Variants in MRPL52 observed in about 807,000 individuals in gnomAD.
The protein encoded by MRPL52 is mitochondrial ribosomal protein L52.
Under a neutral mutation model 22.1 loss-of-function variants are expected in MRPL52, and 19 were observed. The ratio of observed to expected loss-of-function variants is 0.86; its 90% CI spans 0.60 to 1.26. MRPL52 has a LOEUF of 1.26. Ranked by LOEUF, MRPL52 falls within the 50% of genes most tolerant of loss-of-function variation. The pLI is 0.00. For missense variants in MRPL52, 152 were observed against 148.1 expected (o/e 1.03, Z -0.14); for synonymous variants, 50 against 57.5 (o/e 0.87, Z 0.59).
At position 22,834,709 on chromosome 14, in the gene MRPL52, G is replaced by A. The variant is rs111561410; in HGVS notation, c.*388G>A. ...TAAAGATACAAACAATTAGCCGGGC[G>A]TGGTGGGGTGCGCTTGTAATCCCAG... On this transcript the variant is annotated 3_prime_UTR_variant, in exon 5 of 5. Transcript: ENST00000397496. 0.021 allele frequency: 3,432 copies of A among 160,308 alleles called. 56 individuals carry two copies. The highest frequency in any genetic ancestry group is 0.033 in the Non-Finnish European group (2,380 of 72,914). 9.9% of individuals were successfully genotyped at this position (160,308 alleles called of 1,614,324 possible).
At chr14:22,830,293 T>C (rs1297285658) in intron 3 of MRPL52, 39 bp downstream of exon 3, 1 of 1,610,230 alleles carries the variant, frequency 6.2e-7, no homozygotes, top group Non-Finnish European at 8.5e-7. Flanking sequence ...CTGGGGAGAT[T>C]TTCACCTAGA....
rs372433571 is a variant in MRPL52, at chr14:22,829,928, A to G, written c.16A>G (p.Thr6Ala). MAALG[T>A]VLFSVRRLHC... ...CCTGCTCAGCATGGCTGCTTTAGGGACTGTTCTCTTCAGTGAGTGGGTATA... is the reference window on the plus strand; with the variant it reads ...CCTGCTCAGCATGGCTGCTTTAGGGGCTGTTCTCTTCAGTGAGTGGGTATA... Residue 6 changes from threonine (T) to alanine (A), a missense_variant, in exon 1 of 5, where the codon ACT (threonine) becomes GCT (alanine). Transcript: ENST00000397496. 1 of 1,419,760 alleles carries G rather than the reference A, an allele frequency of 7.0e-7. No individual in the cohort carries two copies. The highest frequency in any genetic ancestry group is 9.4e-7 in the Non-Finnish European group (1 of 1,059,408). 87.9% of individuals were successfully genotyped at this position (1,419,760 alleles called of 1,614,324 possible). A position where few individuals can be genotyped will look rare whatever the true frequency, so the allele number is the denominator to read the frequency against.
chr14:22,829,974 G>C (rs760284108), intron 1 of MRPL52, 34 bp downstream of exon 1: 19 of 1,612,248 alleles, frequency 1.2e-5, no homozygotes, highest in East Asian at 2.2e-5. Flanking sequence ...GTGGACTCGG[G>C]GGCCCTTTGG....
At position 22,834,449 on chromosome 14, in the gene MRPL52, C is replaced by T; in HGVS notation, c.*128C>T. On this transcript the variant is annotated 3_prime_UTR_variant, in exon 5 of 5. Coordinates refer to ENST00000397496, the MANE Select transcript of MRPL52 (RefSeq NM_180982.3). Reference sequence around the variant, plus strand: ...CTTCAGAGAAAAAGAGCTGGGACACCAAGAACAAGCTGTTAGATCACTGCC... The same window carrying T: ...CTTCAGAGAAAAAGAGCTGGGACACTAAGAACAAGCTGTTAGATCACTGCC... 1 of 1,050,206 alleles carries T rather than the reference C, an allele frequency of 9.5e-7. No homozygotes were observed. Among genetic ancestry groups the T allele is most frequent in the African/African-American group, 1.6e-5 (1 of 62,012 alleles). The allele number at this position is 1,050,206 out of a possible 1,614,324, so 65.1% of individuals were successfully genotyped here.
intron 3 of MRPL52, among the ~76,000 whole-genome samples, chr14:22,832,772 G>C (rs563361581): frequency 6.6e-6 from 1 of 152,156 alleles, no homozygotes; most frequent in African/African-American, 2.4e-5. Context: ...CCAGTTACTC[G>C]GGAGGCTGAG....
intron 3 of MRPL52, chr14:22,831,182 C>T (rs1388005685): frequency 4.4e-5 from 23 of 522,772 alleles, no homozygotes; most frequent in Non-Finnish European, 5.8e-5. Flanking sequence ...GCATGATCAT[C>T]GCTCACTGCA....
intron 3 of MRPL52, chr14:22,830,690 G>A: frequency 2.5e-6 from 1 of 395,556 alleles, no homozygotes; most frequent in Non-Finnish European, 4.5e-6. Flanking sequence ...TGGATGGCAG[G>A]CTCCCTTCAG....
At chr14:22,830,868 C>T in intron 3 of MRPL52, 3 of 800,262 alleles carry the variant, frequency 3.7e-6, no homozygotes, top group Non-Finnish European at 5.9e-6. Context: ...CATGATCATA[C>T]AGCTAGGTAG....
In MRPL52 at chr14:22,834,310, C is replaced by T. The variant is rs773264950; in HGVS notation, c.358C>T (p.Pro120Ser). The T allele has an allele frequency of 6.2e-7, 1 of 1,610,714 alleles. No homozygotes were observed. The highest frequency in any genetic ancestry group is 1.1e-5 in the South Asian group (1 of 90,490). The change falls in exon 5 of 5, where the codon CCA becomes TCA. Residue 120 changes from proline to serine, a missense_variant. Transcript: ENST00000397496. ...PKGASLKSPL[P>S]SQ ...AGGGGCTTCACTGAAGAGCCCACTTCCAAGTCAATAAAAAGCAACTCCTGC... is the reference window on the plus strand; with the variant it reads ...AGGGGCTTCACTGAAGAGCCCACTTTCAAGTCAATAAAAAGCAACTCCTGC...
chr14:22,833,547 G>C (rs2039671697), intron 4 of MRPL52, 65 bp downstream of exon 4: 5 of 1,226,926 alleles, frequency 4.1e-6, no homozygotes, highest in Admixed American at 1.8e-5. Flanking sequence ...AATTTGTCTT[G>C]AGCTGTGTTG....
Position 22,834,654 on chromosome 14 carries a change from C to G in MRPL52, c.*333C>G, listed in dbSNP as rs1345900413. ...TCGAGACCAGCCTGGCCAACCCAGC[C>G]TGGTCAACATGGTGAAACCCTGTCC... On this transcript the variant is annotated 3_prime_UTR_variant, in exon 5 of 5. Coordinates refer to ENST00000397496, the MANE Select transcript of MRPL52 (RefSeq NM_180982.3). The G allele has an allele frequency of 5.5e-5, 11 of 201,154 alleles. No homozygotes were observed. Among genetic ancestry groups the G allele is most frequent in the Non-Finnish European group, 4.1e-5 (4 of 97,540 alleles). The allele number at this position is 201,154 out of a possible 1,614,324, so 12.5% of individuals were successfully genotyped here. A position where few individuals can be genotyped will look rare whatever the true frequency, so the allele number is the denominator to read the frequency against.
Position 22,834,173 on chromosome 14 carries a change from G to A in MRPL52, c.221G>A (p.Arg74Lys), listed in dbSNP as rs1792987769. 6.2e-7 allele frequency: 1 copy of A among 1,613,842 alleles called. No homozygotes were observed. Among genetic ancestry groups the A allele is most frequent in the Non-Finnish European group, 8.5e-7 (1 of 1,179,954 alleles). ...ACACTGTTTTCCTGTCTGTTTCAGA[G>A]ACGAGTTGTACTGCTGTCACAGGAA... ...RRKAERETFA[R>K]RVVLLSQEMD... is the part of the protein sequence containing the mutation. The change falls in exon 5 of 5, where the codon AGA becomes AAA. Residue 74 changes from arginine (R) to lysine (K), a missense_variant and splice_region_variant. Transcript: ENST00000397496.
intron 2 of MRPL52, 34 bp downstream of exon 2, chr14:22,830,144 G>T (rs1242123576): frequency 6.2e-7 from 1 of 1,614,084 alleles, no homozygotes; most frequent in African/African-American, 1.3e-5. Context: ...TGGGGGACCA[G>T]AAGCTGGGCT....
intron 3 of MRPL52, chr14:22,831,106 C>CGTTTTTTTTTT (rs1555327896): frequency 7.1e-6 from 1 of 140,982 alleles, no homozygotes; most frequent in Non-Finnish European, 1.2e-5. Context: ...CATATGACTG[C>CGTTTTTTTTTT]TTTTTTTTTT....
Position 22,830,279 on chromosome 14 carries a change from T to TC in MRPL52, c.154+27dup. On this transcript the variant is annotated intron_variant, in intron 3 of 4. Coordinates refer to ENST00000397496, the MANE Select transcript of MRPL52 (RefSeq NM_180982.3). The stretch of plus-strand genomic sequence containing the variant: ...GGTAAGCGCTGATCTGGCAGTTAAC[T>TC]CCACTGGGGAGATTTTCACCTAGAG... 2.5e-6 allele frequency: 4 copies of TC among 1,613,466 alleles called. No homozygotes were observed. The South Asian group carries it at 3.3e-5, about 13-fold the overall frequency.
intron 3 of MRPL52, chr14:22,830,550 ATT>A: frequency 4.5e-6 from 2 of 448,786 alleles, no homozygotes; most frequent in Non-Finnish European, 7.9e-6. Flanking sequence ...AAAGGGGGAC[ATT>A]TTTTTTTAAC....
chr14:22,834,055 C>T (rs776793098), intron 4 of MRPL52, 117 bp from the exon 5 acceptor site: 15 of 1,195,812 alleles, frequency 1.3e-5, no homozygotes, highest in African/African-American at 7.7e-5. Flanking sequence ...CTCGCTCCCA[C>T]TGGGGAGTCA....
At position 22,834,258 on chromosome 14, in the gene MRPL52, G is replaced by C; in HGVS notation, c.306G>C (p.Arg102Ser). The C allele has an allele frequency of 3.7e-6, 6 of 1,614,130 alleles. No homozygotes were observed. Among genetic ancestry groups the C allele is most frequent in the Non-Finnish European group, 5.1e-6 (6 of 1,180,024 alleles). Residue 102 changes from arginine (R) to serine (S), a missense_variant, in exon 5 of 5, where the codon AGG becomes AGC. Physicochemically the swap from Arg to Ser is moderately radical, Grantham distance 110. Coordinates refer to ENST00000397496, the MANE Select transcript of MRPL52 (RefSeq NM_180982.3). The stretch of plus-strand genomic sequence containing the variant: ...AGCAGAAGTTGCAGGAAGAACAAAG[G>C]AAGCAGGAAAATGCTCTTAAACCCA... ...LRQQKLQEEQ[R>S]KQENALKPKG... is the part of the protein sequence containing the mutation.
chr14:22,834,112 A>C, intron 4 of MRPL52, 60 bp from the exon 5 acceptor site: 2 of 1,566,024 alleles, frequency 1.3e-6, no homozygotes, highest in South Asian at 1.2e-5. Context: ...AAGTGGAAGG[A>C]TATATAGTAT....
Sources: allele counts gnomAD v4.1 joint callset (sites outside exome capture counted in the v4.1 genomes callset), GRCh38; gene constraint gnomAD v4.1.1; transcripts MANE v1.5; gene names NCBI Gene and HGNC (gene_info 2026-07-23, HGNC 2026-07-21).